SORCS1: variants seen among roughly 807,000 people sequenced by gnomAD.
SORCS1 encodes VPS10 domain-containing receptor SorCS1.
In SORCS1, 60 loss-of-function variants were observed where a neutral mutation model predicts 146.1. That is an observed-to-expected ratio of 0.41 (90% CI 0.33 to 0.51). SORCS1 has a LOEUF of 0.51. Among genes scored for constraint, SORCS1 ranks in the 20% least tolerant of loss-of-function variants. The pLI is 0.21. For synonymous variants in SORCS1, 637 were observed against 584.0 expected, an observed-to-expected ratio of 1.09 and a Z score of -1.31; for missense variants, 1,352 against 1,487.6, an observed-to-expected ratio of 0.91 and a Z score of 1.50.
chr10:106,944,231 C>A (rs1004751397), intron 2 of SORCS1, among the ~76,000 whole-genome samples: 1 of 152,158 alleles, frequency 6.6e-6, no homozygotes, highest in African/African-American at 2.4e-5. Context: ...TTGCCCCAGA[C>A]CTTTCAAAGA....
At chr10:106,657,869 C>T (rs1343154898) in intron 17 of SORCS1, among the ~76,000 whole-genome samples, 3 of 151,548 alleles carry the variant, frequency 2.0e-5, no homozygotes, top group Admixed American at 2.0e-4. Context: ...GAATCTTTTC[C>T]TAAAGTTCTT....
chr10:106,863,286 T>C (rs1211714926), intron 2 of SORCS1, among the ~76,000 whole-genome samples: 1 of 151,672 alleles, frequency 6.6e-6, no homozygotes, highest in Non-Finnish European at 1.5e-5. Context: ...CACTTTGGGA[T>C]GCCAAGAGGG....
chr10:106,777,760 T>C (rs1235846943), intron 3 of SORCS1, among the ~76,000 whole-genome samples: 1 of 152,194 alleles, frequency 6.6e-6, no homozygotes, highest in Non-Finnish European at 1.5e-5. Flanking sequence ...GATAAATTAC[T>C]TCATTCCCAA....
chr10:106,927,778 A>G lies in SORCS1; in HGVS notation c.626+28735T>C, dbSNP rs376110013. Among the ~76,000 whole-genome samples the G allele has an allele frequency of 3.9e-5, 6 of 152,284 alleles. No homozygotes were observed. In the East Asian group the frequency reaches 5.8e-4, roughly 15 times the overall value. The stretch of plus-strand genomic sequence containing the variant: ...ATACAGAGTGTTGATTGGTGCATTC[A>G]CAAACCCTGAGCTAGACACAGGGTA... On this transcript the variant is annotated intron_variant, in intron 2 of 25. Transcript: ENST00000263054.
chr10:106,893,773 C>T (rs1245747459), intron 2 of SORCS1, among the ~76,000 whole-genome samples: 2 of 152,054 alleles, frequency 1.3e-5, no homozygotes, highest in Admixed American at 1.3e-4. Flanking sequence ...AAATGACAAA[C>T]TAAACATTTT....
At chr10:107,124,073 C>A (rs1269611955) in intron 1 of SORCS1, among the ~76,000 whole-genome samples, 3 of 144,532 alleles carry the variant, frequency 2.1e-5, no homozygotes, top group East Asian at 4.0e-4. Flanking sequence ...GGCGACAGAG[C>A]GAGACTTCGT....
intron 6 of SORCS1, among the ~76,000 whole-genome samples, chr10:106,726,593 A>G (rs1158146015): frequency 6.6e-6 from 1 of 151,994 alleles, no homozygotes; most frequent in Non-Finnish European, 1.5e-5. Flanking sequence ...AAGCCAGAAA[A>G]CAGCAGCATA....
intron 17 of SORCS1, 33 bp downstream of exon 17, chr10:106,667,652 AGGTT>A: frequency 7.0e-7 from 1 of 1,437,450 alleles, no homozygotes; most frequent in Non-Finnish European, 9.8e-7. Context: ...AAGGCAGCAA[AGGTT>A]GGCCTCTCAA....
intron 2 of SORCS1, among the ~76,000 whole-genome samples, chr10:106,854,549 G>A (rs1032719335): frequency 2.7e-5 from 4 of 146,734 alleles, no homozygotes; most frequent in East Asian, 5.0e-4. Context: ...CATGTTTTCT[G>A]TCTTTTGTGA....
At position 107,045,198 on chromosome 10, in the gene SORCS1, T is replaced by A. The variant is rs538078256; in HGVS notation, c.559-88618A>T. The stretch of plus-strand genomic sequence containing the variant: ...GACTTTTGTTTTAGGACAGTGGCTA[T>A]AAGCTTAAGTGTGCATAAGATTTAC... On this transcript the variant is annotated intron_variant, in intron 1 of 25. Coordinates refer to ENST00000263054, the MANE Select transcript of SORCS1 (RefSeq NM_052918.5). Among the ~76,000 whole-genome samples, 27 of 152,308 alleles carry A rather than the reference T, an allele frequency of 1.8e-4. No homozygotes were observed. In the East Asian group the frequency reaches 5.0e-3, roughly 28 times the overall value.
At chr10:106,589,567 T>C (rs7088884) in intron 24 of SORCS1, among the ~76,000 whole-genome samples, 29,601 of 152,086 alleles carry the variant, frequency 0.19, 3,269 homozygotes, top group East Asian at 0.47. Context: ...TAGTTGAATG[T>C]ATATTCTGGT....
chr10:106,724,758 G>A (rs1856030170), intron 6 of SORCS1, among the ~76,000 whole-genome samples: 1 of 152,182 alleles, frequency 6.6e-6, no homozygotes, highest in African/African-American at 2.4e-5. Flanking sequence ...TGGCAAGTGG[G>A]GGATTTTTCC....
intron 2 of SORCS1, among the ~76,000 whole-genome samples, chr10:106,903,370 CCTGA>C (rs993661465): frequency 1.3e-5 from 2 of 152,164 alleles, no homozygotes; most frequent in Non-Finnish European, 2.9e-5. Context: ...GAATTGCTTT[CCTGA>C]CTGAGAAAAA....
intron 1 of SORCS1, among the ~76,000 whole-genome samples, chr10:107,132,640 T>C (rs1011492455): frequency 6.6e-6 from 1 of 152,150 alleles, no homozygotes; most frequent in African/African-American, 2.4e-5. Flanking sequence ...ACTGTAAACA[T>C]AGAGAATTTG....
At chr10:106,606,885 TTTGCTTCCCCTTCCGCCATGA>T in intron 23 of SORCS1, among the ~76,000 whole-genome samples, 1 of 152,200 alleles carries the variant, frequency 6.6e-6, no homozygotes, top group East Asian at 1.9e-4. Flanking sequence ...GAAGGACAGG[TTTGCTTCCCCTTCCGCCATGA>T]TTGTAAGTTT....
intron 2 of SORCS1, among the ~76,000 whole-genome samples, chr10:106,910,282 A>ATT (rs1330210237): frequency 9.9e-6 from 1 of 101,316 alleles, no homozygotes; most frequent in Non-Finnish European, 2.1e-5. Context: ...GTCTCTTTAC[A>ATT]TTGTGTGTGT....
At chr10:106,953,460 GT>G in intron 2 of SORCS1, among the ~76,000 whole-genome samples, 1 of 151,894 alleles carries the variant, frequency 6.6e-6, no homozygotes, top group Admixed American at 6.6e-5. Context: ...TCCCCCAACA[GT>G]TTTGATCCAA....
chr10:106,880,969 A>G (rs960734479), intron 2 of SORCS1, among the ~76,000 whole-genome samples: 2 of 149,716 alleles, frequency 1.3e-5, no homozygotes, highest in Non-Finnish European at 3.0e-5. Flanking sequence ...AGGCGCCTGT[A>G]GTCCCAGCTA....
intron 1 of SORCS1, among the ~76,000 whole-genome samples, chr10:107,099,954 C>T (rs1325261242): frequency 6.6e-6 from 1 of 152,150 alleles, no homozygotes; most frequent in Non-Finnish European, 1.5e-5. Flanking sequence ...TTTGCTATTA[C>T]CTCTAATTTT....
Sources: gnomAD v4.1 joint callset for allele counts (sites outside exome capture counted in the v4.1 genomes callset) on GRCh38, gnomAD v4.1.1 for gene constraint, MANE v1.5 for transcripts, NCBI Gene and HGNC (gene_info 2026-07-23, HGNC 2026-07-21) for gene names.